Variants in CDH18 observed in about 807,000 individuals in gnomAD.
CDH18 encodes cadherin-18.
Under a neutral mutation model 67.9 loss-of-function variants are expected in CDH18, and 31 were observed. The ratio of observed to expected loss-of-function variants is 0.46; its 90% CI spans 0.34 to 0.62. The LOEUF is 0.62. Among genes scored for constraint, CDH18 ranks in the 20% least tolerant of loss-of-function variants. The pLI is 0.01. For synonymous variants in CDH18, 362 were observed against 347.2 expected, an observed-to-expected ratio of 1.04 and a Z score of -0.48; for missense variants, 890 against 975.5, an observed-to-expected ratio of 0.91 and a Z score of 1.17.
intron 2 of CDH18, among the ~76,000 whole-genome samples, chr5:20,105,546 A>G (rs1746857369): frequency 6.6e-6 from 1 of 152,042 alleles, no homozygotes. Context: ...TCTTCATCTC[A>G]CCCAAAGAGA....
intron 2 of CDH18, among the ~76,000 whole-genome samples, chr5:20,119,319 A>G (rs1359158740): frequency 6.6e-6 from 1 of 152,156 alleles, no homozygotes; most frequent in Non-Finnish European, 1.5e-5. Context: ...TCTTCTTTAT[A>G]TAAATCTAGA....
chr5:20,472,877 A>C lies in CDH18; in HGVS notation c.-580+102585T>G, dbSNP rs938608699. ...TGTGTGTTGCTTTTCAGTTTTTACTATTTGTACCATCCTTTAGATGTATTT... is the reference window on the plus strand; with the variant it reads ...TGTGTGTTGCTTTTCAGTTTTTACTCTTTGTACCATCCTTTAGATGTATTT... On this transcript the variant is annotated intron_variant, in intron 1 of 14. Transcript: ENST00000507958. Among the ~76,000 whole-genome samples, 8 of 152,294 alleles carry C rather than the reference A, an allele frequency of 5.3e-5. No homozygotes were observed. The East Asian group carries it at 5.8e-4, about 11-fold the overall frequency.
chr5:20,495,181 A>G (rs972881641), intron 1 of CDH18, among the ~76,000 whole-genome samples: 1 of 152,180 alleles, frequency 6.6e-6, no homozygotes, highest in South Asian at 2.1e-4. Context: ...AAAACCTCTG[A>G]CAGCTCATTC....
At chr5:19,928,666 A>G (rs2150191324) in intron 2 of CDH18, among the ~76,000 whole-genome samples, 1 of 152,286 alleles carries the variant, frequency 6.6e-6, no homozygotes, top group African/African-American at 2.4e-5. Context: ...GTAGCAAAAG[A>G]GATCAGAACA....
At chr5:20,297,631 C>A (rs552314537) in intron 1 of CDH18, among the ~76,000 whole-genome samples, 1 of 152,184 alleles carries the variant, frequency 6.6e-6, no homozygotes, top group Non-Finnish European at 1.5e-5. Context: ...GCTAAATATA[C>A]AATTTGTCGA....
At chr5:20,391,649 T>C (rs1456883732) in intron 1 of CDH18, among the ~76,000 whole-genome samples, 3 of 152,048 alleles carry the variant, frequency 2.0e-5, no homozygotes, top group Non-Finnish European at 1.5e-5. Context: ...TTACTTAAAA[T>C]TTCATTGACA....
intron 3 of CDH18, among the ~76,000 whole-genome samples, chr5:19,748,701 T>C (rs1315730513): frequency 1.3e-5 from 2 of 152,154 alleles, no homozygotes; most frequent in East Asian, 3.8e-4. Context: ...TGAACATTTT[T>C]GAGGTTTTAA....
intron 6 of CDH18, 151 bp downstream of exon 6, chr5:19,612,283 C>A (rs1749103376): frequency 1.5e-6 from 1 of 671,710 alleles, no homozygotes; most frequent in African/African-American, 1.8e-5. Flanking sequence ...GGAGTGATTT[C>A]ATGAGTCTTA....
chr5:19,690,777 T>A (rs1159151563), intron 5 of CDH18, among the ~76,000 whole-genome samples: 2 of 151,746 alleles, frequency 1.3e-5, no homozygotes, highest in East Asian at 3.9e-4. Context: ...CAAGATTGAA[T>A]CAGCAATAAA....
chr5:20,182,979 C>G (rs2126690059), intron 2 of CDH18, among the ~76,000 whole-genome samples: 1 of 152,140 alleles, frequency 6.6e-6, no homozygotes, highest in Middle Eastern at 3.4e-3. Flanking sequence ...GGTTCTGGAA[C>G]CCTGTTGCCT....
intron 1 of CDH18, among the ~76,000 whole-genome samples, chr5:20,413,511 G>A (rs1746980788): frequency 6.6e-6 from 1 of 152,124 alleles, no homozygotes; most frequent in African/African-American, 2.4e-5. Context: ...CTTCCAACTG[G>A]TGTGGGATAT....
At chr5:20,271,083 T>C (rs1418109601) in intron 1 of CDH18, among the ~76,000 whole-genome samples, 1 of 152,004 alleles carries the variant, frequency 6.6e-6, no homozygotes, top group Non-Finnish European at 1.5e-5. Flanking sequence ...CAAACTTCCA[T>C]GACACAGTTT....
At chr5:20,025,059 C>T (rs1450071587) in intron 2 of CDH18, among the ~76,000 whole-genome samples, 2 of 152,162 alleles carry the variant, frequency 1.3e-5, no homozygotes, top group Non-Finnish European at 2.9e-5. Context: ...TATCCTTGAA[C>T]GTTCTGTTCC....
intron 2 of CDH18, among the ~76,000 whole-genome samples, chr5:19,879,390 C>T (rs1277233184): frequency 1.3e-5 from 2 of 151,624 alleles, no homozygotes; most frequent in Non-Finnish European, 2.9e-5. Flanking sequence ...TACAACAATT[C>T]CCATATTTAT....
At chr5:19,624,349 G>A (rs10043780) in intron 5 of CDH18, among the ~76,000 whole-genome samples, 5,775 of 152,020 alleles carry the variant, frequency 0.038, 313 homozygotes, top group African/African-American at 0.12. Flanking sequence ...TTTCCAGCAA[G>A]TTGGCTGTCA....
intron 5 of CDH18, among the ~76,000 whole-genome samples, chr5:19,651,590 A>C (rs1249612472): frequency 6.6e-6 from 1 of 152,048 alleles, no homozygotes; most frequent in Non-Finnish European, 1.5e-5. Flanking sequence ...AGACATCCCA[A>C]ACTGGAAATT....
intron 5 of CDH18, among the ~76,000 whole-genome samples, chr5:19,699,935 T>C (rs557489186): frequency 1.1e-4 from 17 of 152,248 alleles, no homozygotes; most frequent in Admixed American, 4.6e-4. Context: ...ACTTCACCGC[T>C]AGGAAATATA....
intron 3 of CDH18, among the ~76,000 whole-genome samples, chr5:19,801,975 T>C (rs1326651999): frequency 6.6e-6 from 1 of 152,086 alleles, no homozygotes; most frequent in Non-Finnish European, 1.5e-5. Flanking sequence ...AAAATCACCC[T>C]CATCAATTTA....
At chr5:20,341,662 T>C (rs1032382115) in intron 1 of CDH18, among the ~76,000 whole-genome samples, 3 of 152,062 alleles carry the variant, frequency 2.0e-5, no homozygotes, top group African/African-American at 7.2e-5. Context: ...GGAGTGGTTC[T>C]GGATAACAGA....
Sources: allele counts gnomAD v4.1 joint callset (sites outside exome capture counted in the v4.1 genomes callset), GRCh38; gene constraint gnomAD v4.1.1; transcripts MANE v1.5; gene names NCBI Gene and HGNC (gene_info 2026-07-23, HGNC 2026-07-21).